WWOX: variants seen among roughly 807,000 people sequenced by gnomAD.
WWOX encodes the protein WW domain-containing oxidoreductase.
In WWOX, 69 loss-of-function variants were observed where a neutral mutation model predicts 46.2. The ratio of observed to expected loss-of-function variants is 1.49; its 90% confidence interval spans 1.23 to 1.82. The LOEUF (loss-of-function observed/expected upper bound fraction) is 1.82, where lower values mean the gene tolerates loss of function less well. Among genes scored for constraint, WWOX ranks in the 40% most tolerant of loss-of-function variants. WWOX has a pLI of 0.00. For missense variants in WWOX, 919 were observed against 542.6 expected (o/e 1.69, Z -6.89); for synonymous variants, 359 against 202.6 (o/e 1.77, Z -6.56).
chr16:78,737,873 C>G (rs2049126848), intron 8 of WWOX, among the ~76,000 whole-genome samples: 1 of 152,098 alleles, frequency 6.6e-6, no homozygotes, highest in East Asian at 1.9e-4. Context: ...TATTCCCTCA[C>G]CGATCCCTTC....
At chr16:78,332,648 C>G (rs923319295) in intron 5 of WWOX, among the ~76,000 whole-genome samples, 3 of 152,172 alleles carry the variant, frequency 2.0e-5, no homozygotes, top group Non-Finnish European at 4.4e-5. Flanking sequence ...ATTTTCCTCT[C>G]TGTCATTGTG....
At chr16:79,069,309 A>G (rs910740077) in intron 8 of WWOX, among the ~76,000 whole-genome samples, 2 of 152,218 alleles carry the variant, frequency 1.3e-5, no homozygotes, top group African/African-American at 4.8e-5. Flanking sequence ...GTGGCTTCGC[A>G]TTAATCACCA....
At chr16:78,657,052 G>C (rs2047097388) in intron 8 of WWOX, among the ~76,000 whole-genome samples, 1 of 152,148 alleles carries the variant, frequency 6.6e-6, no homozygotes, top group South Asian at 2.1e-4. Flanking sequence ...GCCCCTTGTA[G>C]GGCTTTCTGG....
intron 8 of WWOX, among the ~76,000 whole-genome samples, chr16:78,655,813 G>A (rs1333107555): frequency 1.3e-5 from 2 of 152,186 alleles, no homozygotes; most frequent in African/African-American, 4.8e-5. Context: ...GCCTTATTTA[G>A]AAGTTAGTCT....
At chr16:78,704,448 G>C (rs1597467192) in intron 8 of WWOX, among the ~76,000 whole-genome samples, 1 of 152,088 alleles carries the variant, frequency 6.6e-6, no homozygotes, top group Admixed American at 6.6e-5. Context: ...GTTTCTGTAA[G>C]TAGTGTATGA....
At chr16:78,664,416 C>G in intron 8 of WWOX, among the ~76,000 whole-genome samples, 1 of 152,174 alleles carries the variant, frequency 6.6e-6, no homozygotes, top group East Asian at 1.9e-4. Flanking sequence ...GCAGTCACAG[C>G]TCCTGGCTGC....
intron 8 of WWOX, among the ~76,000 whole-genome samples, chr16:79,139,753 G>C (rs922401684): frequency 3.3e-4 from 50 of 152,212 alleles, no homozygotes; most frequent in Non-Finnish European, 6.3e-4. Flanking sequence ...ATCATGGGCA[G>C]AGGGGCAGTC....
intron 8 of WWOX, among the ~76,000 whole-genome samples, chr16:78,624,497 C>T (rs1465856018): frequency 6.6e-6 from 1 of 152,180 alleles, no homozygotes; most frequent in South Asian, 2.1e-4. Flanking sequence ...TCAAATCTTT[C>T]CCTCACAGGA....
intron 8 of WWOX, among the ~76,000 whole-genome samples, chr16:78,501,935 A>G (rs1430593932): frequency 6.6e-6 from 1 of 152,134 alleles, no homozygotes; most frequent in Non-Finnish European, 1.5e-5. Flanking sequence ...CCACCTGCCC[A>G]TCGTCAGATT....
At chr16:78,666,845 C>T (rs78497920) in intron 8 of WWOX, among the ~76,000 whole-genome samples, 54 of 152,254 alleles carry the variant, frequency 3.5e-4, no homozygotes, top group African/African-American at 1.3e-3. Flanking sequence ...TGCCATGCAG[C>T]GTTCTACGAA....
intron 5 of WWOX, among the ~76,000 whole-genome samples, chr16:78,379,725 G>C (rs1217445473): frequency 6.6e-6 from 1 of 152,276 alleles, no homozygotes; most frequent in Non-Finnish European, 1.5e-5. Context: ...CGAACTCACT[G>C]ATACCCTCCC....
At chr16:79,102,423 G>C (rs899315872) in intron 8 of WWOX, among the ~76,000 whole-genome samples, 1 of 152,144 alleles carries the variant, frequency 6.6e-6, no homozygotes, top group African/African-American at 2.4e-5. Flanking sequence ...TTGAGCTGGT[G>C]TGTGCTAATA....
chr16:79,121,522 T>G (rs1385091222), intron 8 of WWOX, among the ~76,000 whole-genome samples: 1 of 152,166 alleles, frequency 6.6e-6, no homozygotes, highest in Non-Finnish European at 1.5e-5. Flanking sequence ...GATGGGTACA[T>G]AGACACTCGT....
rs2031606871 is a variant in WWOX, at chr16:78,099,658, T to TGCGCAGGCGTGAGCGGTCGG, written c.-118_-99dup. 1 of 1,281,216 alleles carries TGCGCAGGCGTGAGCGGTCGG rather than the reference T, an allele frequency of 7.8e-7. No individual in the cohort carries two copies. The allele number at this position is 1,281,216 out of a possible 1,614,324, so 79.4% of individuals were successfully genotyped here. ...GCGGAGCGGCCCCTGGAGGGCGCAG[T>TGCGCAGGCGTGAGCGGTCGG]GCGCAGGCGTGAGCGGTCGGGCCCC... On this transcript the variant is annotated 5_prime_UTR_variant, in exon 1 of 9. Transcript: ENST00000566780.
At chr16:79,104,370 A>G (rs193117423) in intron 8 of WWOX, among the ~76,000 whole-genome samples, 181 of 152,364 alleles carry the variant, frequency 1.2e-3, no homozygotes, top group Non-Finnish European at 2.0e-3. Flanking sequence ...ACTCATAAGC[A>G]TACATCAAAG....
intron 8 of WWOX, among the ~76,000 whole-genome samples, chr16:78,983,492 T>C (rs908967744): frequency 2.6e-4 from 39 of 152,188 alleles, no homozygotes; most frequent in Non-Finnish European, 1.0e-4. Context: ...CATCATGCTA[T>C]GAAAAGAGAG....
intron 5 of WWOX, among the ~76,000 whole-genome samples, chr16:78,334,087 C>G (rs1310221327): frequency 6.6e-6 from 1 of 152,144 alleles, no homozygotes; most frequent in African/African-American, 2.4e-5. Flanking sequence ...CATAAAGATG[C>G]AGATTTGATT....
At chr16:78,174,581 C>T (rs2035271960) in intron 5 of WWOX, among the ~76,000 whole-genome samples, 2 of 152,218 alleles carry the variant, frequency 1.3e-5, no homozygotes, top group African/African-American at 4.8e-5. Context: ...AAAATCTTAA[C>T]TCATTCCGGC....
chr16:78,735,931 C>A (rs894260121), intron 8 of WWOX, among the ~76,000 whole-genome samples: 1 of 152,076 alleles, frequency 6.6e-6, no homozygotes, highest in Non-Finnish European at 1.5e-5. Flanking sequence ...CTCTCACCTC[C>A]GAATAGGTGG....
Sources: gnomAD v4.1 joint callset for allele counts (sites outside exome capture counted in the v4.1 genomes callset) on GRCh38, gnomAD v4.1.1 for gene constraint, MANE v1.5 for transcripts, NCBI Gene and HGNC (gene_info 2026-07-23, HGNC 2026-07-21) for gene names.